TSPAN11: variants seen among roughly 807,000 people sequenced by gnomAD.
The protein encoded by TSPAN11 is tetraspanin-11.
In TSPAN11, 29 loss-of-function variants were observed where a neutral mutation model predicts 32.9. The ratio of observed to expected loss-of-function variants is 0.88; its 90% CI spans 0.66 to 1.20. The LOEUF is 1.20. Among genes scored for constraint, TSPAN11 ranks in the 50% most tolerant of loss-of-function variants. The pLI, the probability that TSPAN11 is intolerant of heterozygous loss-of-function variation, is 0.00. For synonymous variants in TSPAN11, 140 were observed against 141.3 expected, an observed-to-expected ratio of 0.99 and a Z score of 0.07; for missense variants, 283 against 329.1, an observed-to-expected ratio of 0.86 and a Z score of 1.08.
At position 30,975,812 on chromosome 12, in the gene TSPAN11, C is replaced by A. The variant is rs1293856905; in HGVS notation, c.277-2749C>A. Among the ~76,000 whole-genome samples, 2 of 152,116 alleles carry A rather than the reference C, an allele frequency of 1.3e-5. No homozygotes were observed. Among genetic ancestry groups the A allele is most frequent in the Admixed American group, 1.3e-4 (2 of 15,286 alleles). The stretch of plus-strand genomic sequence containing the variant: ...AGATGCCAGGATGTGGCTCTCCTAG[C>A]TGCCAGCAGCCTGGGTGCTCCTGTC... On this transcript the variant is annotated intron_variant, in intron 3 of 7. Coordinates refer to ENST00000546076, the MANE Select transcript of TSPAN11 (RefSeq NM_001370302.1). The surrounding 1 kb of genome is among the most constrained non-coding windows in gnomAD (Gnocchi z 4.5).
At chr12:30,932,147 A>G (rs1478804115) in intron 1 of TSPAN11, among the ~76,000 whole-genome samples, 1 of 152,098 alleles carries the variant, frequency 6.6e-6, no homozygotes, top group South Asian at 2.1e-4. Context: ...AGGAAAAGAT[A>G]CCATTAAAGT....
intron 7 of TSPAN11, among the ~76,000 whole-genome samples, chr12:30,984,116 C>T (rs10843870): frequency 0.2 from 30,744 of 152,198 alleles, 3,192 homozygotes; most frequent in Middle Eastern, 0.27. Context: ...CCCCAGCTCA[C>T]GAACACGCCT....
the TSPAN11 span, among the ~76,000 whole-genome samples, chr12:31,012,263 G>T: frequency 6.6e-6 from 1 of 152,234 alleles, no homozygotes; most frequent in Non-Finnish European, 1.5e-5. Context: ...GAACCCCCAG[G>T]ATGGGGAGGC....
intron 1 of TSPAN11, among the ~76,000 whole-genome samples, chr12:30,948,062 A>C (rs1177177650): frequency 1.3e-5 from 2 of 152,212 alleles, no homozygotes; most frequent in Admixed American, 1.3e-4. Context: ...AGGGCAGTCA[A>C]ATTTCAAAGC....
chr12:30,960,966 G>A (rs1429039354), intron 2 of TSPAN11, among the ~76,000 whole-genome samples: 1 of 151,044 alleles, frequency 6.6e-6, no homozygotes, highest in Admixed American at 6.6e-5. Context: ...TTGAACCTGG[G>A]AGGTGGAGGT....
intron 1 of TSPAN11, among the ~76,000 whole-genome samples, chr12:30,942,925 A>G (rs1592464665): frequency 1.3e-5 from 2 of 152,168 alleles, no homozygotes; most frequent in Non-Finnish European, 2.9e-5. Context: ...CACACAATGA[A>G]CATGGTGATA....
At chr12:30,990,156 G>A (rs909621161) in intron 7 of TSPAN11, among the ~76,000 whole-genome samples, 7 of 151,726 alleles carry the variant, frequency 4.6e-5, no homozygotes, top group Non-Finnish European at 7.4e-5. Flanking sequence ...GTGTGTGCAA[G>A]TGTGTGTGTG....
rs1939326960 is a variant in TSPAN11, at chr12:30,992,135, C to A, written c.*220C>A. Reference sequence around the variant, plus strand: ...CTCCTCCATTTCTGAGCCCCCATGGCCAGATCCTGGGCAGGGAAATGATCC... The same window carrying A: ...CTCCTCCATTTCTGAGCCCCCATGGACAGATCCTGGGCAGGGAAATGATCC... On this transcript the variant is annotated 3_prime_UTR_variant, in exon 8 of 8. Coordinates refer to ENST00000546076, the MANE Select transcript of TSPAN11 (RefSeq NM_001370302.1). The A allele has an allele frequency of 6.6e-6, 4 of 605,748 alleles. No individual in the cohort carries two copies. In the East Asian group the frequency reaches 1.1e-4, roughly 17 times the overall value. 37.5% of individuals were successfully genotyped at this position (605,748 alleles called of 1,614,324 possible).
chr12:30,940,492 TAG>T (rs1408661475), intron 1 of TSPAN11, among the ~76,000 whole-genome samples: 1 of 152,036 alleles, frequency 6.6e-6, no homozygotes, highest in Non-Finnish European at 1.5e-5. Flanking sequence ...GAGAAATACA[TAG>T]AGTGTGGAGG....
chr12:30,958,902 G>C (rs1462844977), intron 2 of TSPAN11, among the ~76,000 whole-genome samples: 2 of 152,142 alleles, frequency 1.3e-5, no homozygotes, highest in African/African-American at 2.4e-5. Context: ...GCATCAGTCT[G>C]ACCTTAAGAT....
intron 3 of TSPAN11, among the ~76,000 whole-genome samples, chr12:30,974,301 C>T (rs1938915088): frequency 6.6e-6 from 1 of 152,368 alleles, no homozygotes; most frequent in East Asian, 1.9e-4. Context: ...AACCTCGGCA[C>T]TGCTGGCATT....
Position 30,967,970 on chromosome 12 carries a change from A to G in TSPAN11, c.276+3953A>G, listed in dbSNP as rs77320078. 0.034 allele frequency among the ~76,000 whole-genome samples: 5,154 copies of G among 152,082 alleles called. 521 individuals are homozygous for G. The East Asian group carries it at 0.37, about 11-fold the overall frequency. On this transcript the variant is annotated intron_variant, in intron 3 of 7. Transcript: ENST00000546076. ...TTTAAACCAAGAAGGTGCCTGTACA[A>G]CCTTTCTTGGGCTAACACAGGTAGG... is the stretch of plus-strand genomic sequence containing the variant.
At position 30,975,841 on chromosome 12, in the gene TSPAN11, G is replaced by A. The variant is rs951501240; in HGVS notation, c.277-2720G>A. Reference sequence around the variant, plus strand: ...CAGCAGCCTGGGTGCTCCTGTCAGGGGCACTCCATCACCTCTTCCTCCCAT... The same window carrying A: ...CAGCAGCCTGGGTGCTCCTGTCAGGAGCACTCCATCACCTCTTCCTCCCAT... On this transcript the variant is annotated intron_variant, in intron 3 of 7. Transcript: ENST00000546076. This position sits in a 1 kb window ranked among gnomAD's most constrained non-coding sequence, Gnocchi z 4.5. Among the ~76,000 whole-genome samples the A allele has an allele frequency of 2.0e-5, 3 of 152,258 alleles. No homozygotes were observed. Among genetic ancestry groups the A allele is most frequent in the African/African-American group, 7.2e-5 (3 of 41,564 alleles).
intron 1 of TSPAN11, among the ~76,000 whole-genome samples, chr12:30,933,301 G>A (rs1300154083): frequency 1.0e-5 from 1 of 97,348 alleles, no homozygotes; most frequent in East Asian, 3.0e-4. Flanking sequence ...CAGTAAGAGT[G>A]ACATTAATCT....
rs1332595971 is a variant in TSPAN11 at position 30,959,518 on chromosome 12, G to A, written c.85-4308G>A. On this transcript the variant is annotated intron_variant, in intron 2 of 7. Transcript: ENST00000546076. ...CACCGCGCCACGCCCTGGAGTTCAC[G>A]CTGTTTACCACTCTGCTAATAGTGC... 2.0e-5 allele frequency among the ~76,000 whole-genome samples: 3 copies of A among 152,106 alleles called. No homozygotes were observed. The South Asian group carries it at 6.2e-4, about 32-fold the overall frequency.
chr12:30,956,656 G>A (rs1938484061), intron 2 of TSPAN11, among the ~76,000 whole-genome samples: 2 of 152,268 alleles, frequency 1.3e-5, no homozygotes, highest in Middle Eastern at 3.4e-3. Flanking sequence ...CTTTGGGACC[G>A]TAAAAGAAAA....
intron 1 of TSPAN11, among the ~76,000 whole-genome samples, chr12:30,937,669 G>A (rs561206481): frequency 8.0e-4 from 122 of 152,272 alleles, no homozygotes; most frequent in African/African-American, 2.9e-3. Context: ...CCATCCCCAA[G>A]GGCAGTGCGT....
At chr12:30,989,456 G>T (rs542214948) in intron 7 of TSPAN11, among the ~76,000 whole-genome samples, 2 of 152,170 alleles carry the variant, frequency 1.3e-5, no homozygotes, top group African/African-American at 4.8e-5. Context: ...GAAGGACTGG[G>T]TGCTGTGCTG....
At chr12:30,934,787 A>G (rs1938008457) in intron 1 of TSPAN11, among the ~76,000 whole-genome samples, 1 of 152,162 alleles carries the variant, frequency 6.6e-6, no homozygotes, top group East Asian at 1.9e-4. Flanking sequence ...TTTATTTGAA[A>G]GAATCTGCTA....
Sources: gnomAD v4.1 joint callset for allele counts (sites outside exome capture counted in the v4.1 genomes callset) on GRCh38, gnomAD v4.1.1 for gene constraint, Gnocchi (gnomAD v3.1) non-coding constraint, MANE v1.5 for transcripts, NCBI Gene and HGNC (gene_info 2026-07-23, HGNC 2026-07-21) for gene names.